Variants in SCP2 observed in about 807,000 individuals in gnomAD.
SCP2 encodes SCP-2/3-oxoacyl-CoA thiolase.
A neutral mutation model predicts 71.4 loss-of-function variants in SCP2; 48 were observed. The observed-to-expected ratio is 0.67, with a 90% CI of 0.53 to 0.86. SCP2 has a LOEUF of 0.86. SCP2 is among the 40% of genes least tolerant of loss of function. SCP2 has a pLI of 0.00. For synonymous variants in SCP2, 220 were observed against 218.1 expected, an observed-to-expected ratio of 1.01 and a Z score of -0.08; for missense variants, 560 against 655.6, an observed-to-expected ratio of 0.85 and a Z score of 1.59.
chr1:52,945,596 A>G (rs12068790), intron 2 of SCP2, among the ~76,000 whole-genome samples: 6,399 of 151,976 alleles, frequency 0.042, 388 homozygotes, highest in African/African-American at 0.13. Flanking sequence ...CCAGCTACTC[A>G]GGAGGCTGAG....
chr1:52,987,006 ATTT>A (rs1163545483), intron 10 of SCP2, among the ~76,000 whole-genome samples: 224 of 110,474 alleles, frequency 2.0e-3, no homozygotes, highest in African/African-American at 7.2e-3. Context: ...ATATATATAT[ATTT>A]TTTTTTTTTT....
chr1:52,986,108 G>T (rs891873733), intron 10 of SCP2, among the ~76,000 whole-genome samples: 2 of 152,086 alleles, frequency 1.3e-5, no homozygotes, highest in Non-Finnish European at 2.9e-5. Context: ...TACAGAACAG[G>T]TATAATAATT....
chr1:53,037,948 TATACACACAC>T (rs1202309260), intron 13 of SCP2, among the ~76,000 whole-genome samples: 3 of 88,264 alleles, frequency 3.4e-5, no homozygotes, highest in Non-Finnish European at 7.2e-5. Flanking sequence ...ATCCTGTCTC[TATACACACAC>T]ACACACACAC....
Position 52,950,874 on chromosome 1 carries a change from C to T in SCP2, c.319C>T (p.Leu107=), listed in dbSNP as rs777408903. The T allele has an allele frequency of 5.0e-6, 8 of 1,614,008 alleles. No homozygotes were observed. The South Asian group carries it at 8.8e-5, about 18-fold the overall frequency. Residue 107 remains leucine, a synonymous_variant, in exon 4 of 16, where the codon CTG becomes TTG. Coordinates refer to ENST00000371514, the MANE Select transcript of SCP2 (RefSeq NM_002979.5). ...GSTALFMARQ[L]IQGGVAECVL... ...TACTGCTTTGTTTATGGCCCGCCAG[C>T]TGATTCAGGGTGGTAAGGAGTGCTT... is the stretch of plus-strand genomic sequence containing the variant.
intron 2 of SCP2, among the ~76,000 whole-genome samples, chr1:52,946,170 G>A (rs935049445): frequency 6.6e-6 from 1 of 151,296 alleles, no homozygotes. Flanking sequence ...CTCAAGGAAT[G>A]CTCCTGCCTT....
At chr1:52,965,012 A>AAAACAAACAAAC (rs201634217) in intron 6 of SCP2, among the ~76,000 whole-genome samples, 1 of 151,936 alleles carries the variant, frequency 6.6e-6, no homozygotes, top group Non-Finnish European at 1.5e-5. Flanking sequence ...CTCCATCTCA[A>AAAACAAACAAAC]AAACAAACAA....
intron 1 of SCP2, among the ~76,000 whole-genome samples, chr1:52,929,902 C>A (rs946082489): frequency 6.6e-6 from 1 of 152,216 alleles, no homozygotes; most frequent in Non-Finnish European, 1.5e-5. Context: ...GGATTACAGG[C>A]GTGAGCCACC....
At chr1:52,969,375 G>A (rs1281133187) in intron 6 of SCP2, among the ~76,000 whole-genome samples, 2 of 151,372 alleles carry the variant, frequency 1.3e-5, no homozygotes, top group Admixed American at 1.3e-4. Flanking sequence ...CTGGTGTGGT[G>A]GCACATGCCT....
intron 11 of SCP2, among the ~76,000 whole-genome samples, chr1:53,010,727 T>C (rs1660934179): frequency 6.6e-6 from 1 of 152,118 alleles, no homozygotes; most frequent in Non-Finnish European, 1.5e-5. Context: ...TGTATATATA[T>C]GTAACAAAGC....
At chr1:53,019,551 A>G (rs1025250401) in intron 12 of SCP2, among the ~76,000 whole-genome samples, 6 of 152,042 alleles carry the variant, frequency 3.9e-5, no homozygotes, top group African/African-American at 9.7e-5. Flanking sequence ...TGTGCTTTCC[A>G]TGCCTCAGCC....
chr1:53,043,946 C>T (rs1178940878), intron 14 of SCP2, among the ~76,000 whole-genome samples: 1 of 152,154 alleles, frequency 6.6e-6, no homozygotes, highest in Non-Finnish European at 1.5e-5. Context: ...ACCATTGAAT[C>T]TCAGTCTTTT....
At chr1:53,029,737 C>T (rs186515043) in intron 13 of SCP2, among the ~76,000 whole-genome samples, 30 of 152,300 alleles carry the variant, frequency 2.0e-4, no homozygotes, top group Admixed American at 7.2e-4. Flanking sequence ...TAATCTACAA[C>T]CGTCCTGAGG....
intron 11 of SCP2, chr1:52,994,708 T>C: frequency 1.4e-6 from 1 of 703,104 alleles, no homozygotes; most frequent in Admixed American, 2.4e-5. Flanking sequence ...AGCAAAAAAA[T>C]TAAAATAAAT....
chr1:53,017,990 G>A (rs772989303), intron 12 of SCP2, among the ~76,000 whole-genome samples: 2 of 152,136 alleles, frequency 1.3e-5, no homozygotes, highest in Non-Finnish European at 2.9e-5. Flanking sequence ...AAGTAGCTGG[G>A]ATTACAGGTG....
At chr1:52,997,347 T>C (rs1557597217) in intron 11 of SCP2, among the ~76,000 whole-genome samples, 1 of 152,086 alleles carries the variant, frequency 6.6e-6, no homozygotes, top group Non-Finnish European at 1.5e-5. Flanking sequence ...TTTTGTATTT[T>C]TAGTAGAGAC....
chr1:52,947,010 G>A (rs1433687984), intron 2 of SCP2, among the ~76,000 whole-genome samples: 1 of 147,820 alleles, frequency 6.8e-6, no homozygotes, highest in Admixed American at 6.8e-5. Context: ...GCAGTGAGCC[G>A]AGATCGCGCC....
At chr1:52,957,854 C>T (rs989136562) in intron 5 of SCP2, among the ~76,000 whole-genome samples, 2 of 152,170 alleles carry the variant, frequency 1.3e-5, no homozygotes, top group Non-Finnish European at 2.9e-5. Context: ...TCATTATTTT[C>T]ATGTGGATGT....
chr1:52,958,441 G>A (rs972223850), intron 5 of SCP2, among the ~76,000 whole-genome samples: 17 of 152,044 alleles, frequency 1.1e-4, no homozygotes, highest in African/African-American at 3.9e-4. Flanking sequence ...ATGTTGACCA[G>A]GCTGGTCTTG....
intron 14 of SCP2, among the ~76,000 whole-genome samples, chr1:53,042,451 G>C (rs1426914213): frequency 6.6e-6 from 1 of 152,058 alleles, no homozygotes; most frequent in Non-Finnish European, 1.5e-5. Flanking sequence ...TGGAAAAGCT[G>C]TGTTCCCTCC....
Sources: gnomAD v4.1 joint callset for allele counts (sites outside exome capture counted in the v4.1 genomes callset) on GRCh38, gnomAD v4.1.1 for gene constraint, MANE v1.5 for transcripts, NCBI Gene and HGNC (gene_info 2026-07-23, HGNC 2026-07-21) for gene names.